FAM13A: variants seen among roughly 807,000 people sequenced by gnomAD.
FAM13A encodes family with sequence similarity 13 member A, also known as protein FAM13A.
Under a neutral mutation model 129.6 loss-of-function variants are expected in FAM13A, and 76 were observed. That is an observed-to-expected ratio of 0.59 (90% confidence interval 0.49 to 0.71). FAM13A has a LOEUF of 0.71. FAM13A is among the 30% of genes least tolerant of loss of function. FAM13A has a pLI of 0.00. For missense variants in FAM13A, 1,108 were observed against 1,249.3 expected (o/e 0.89, Z 1.70); for synonymous variants, 443 against 449.9 (o/e 0.98, Z 0.20).
At chr4:88,761,662 A>G (rs1053445429) in intron 13 of FAM13A, among the ~76,000 whole-genome samples, 1 of 152,122 alleles carries the variant, frequency 6.6e-6, no homozygotes, top group African/African-American at 2.4e-5. Flanking sequence ...AGGAAGGGGG[A>G]ATGGGACATG....
chr4:88,948,624 G>A (rs1756362027), intron 4 of FAM13A, among the ~76,000 whole-genome samples: 1 of 152,086 alleles, frequency 6.6e-6, no homozygotes, highest in Non-Finnish European at 1.5e-5. Context: ...GAGTAGCTGG[G>A]ATTACAGGTA....
rs1736794241 is a variant in FAM13A at position 88,728,268 on chromosome 4, T to TGTGTGCGTGCATGCGC, written c.*249_*264dup. ...TAGGAAAGCTCCACTACTGTGTGTG[T>TGTGTGCGTGCATGCGC]GTGTGCGTGCATGCGCGTGCGCATG... On this transcript the variant is annotated 3_prime_UTR_variant, in exon 24 of 24. Coordinates refer to ENST00000264344, the MANE Select transcript of FAM13A (RefSeq NM_014883.4). 4.0e-6 allele frequency: 2 copies of TGTGTGCGTGCATGCGC among 496,862 alleles called. No homozygotes were observed. Among genetic ancestry groups the TGTGTGCGTGCATGCGC allele is most frequent in the Admixed American group, 3.3e-5 (1 of 30,652 alleles). 30.8% of individuals were successfully genotyped at this position (496,862 alleles called of 1,614,324 possible). A position where few individuals can be genotyped will look rare whatever the true frequency, so the allele number is the denominator to read the frequency against.
intron 23 of FAM13A, among the ~76,000 whole-genome samples, chr4:88,730,411 G>A (rs1298702218): frequency 6.6e-6 from 1 of 152,018 alleles, no homozygotes; most frequent in Non-Finnish European, 1.5e-5. Flanking sequence ...TGTTTTTTTT[G>A]AGACGAAGTC....
chr4:88,797,273 G>GTT (rs34600800), intron 8 of FAM13A, among the ~76,000 whole-genome samples: 6,608 of 143,048 alleles, frequency 0.046, 402 homozygotes, highest in African/African-American at 0.14. Flanking sequence ...AGTTTTGTGG[G>GTT]TTTTTTTTTT....
intron 11 of FAM13A, among the ~76,000 whole-genome samples, 186 bp downstream of exon 11, chr4:88,780,979 T>C (rs1025458842): frequency 6.6e-5 from 10 of 151,946 alleles, no homozygotes; most frequent in African/African-American, 2.4e-4. Context: ...TAGAATATAA[T>C]ATTTCTCGGC....
At chr4:88,731,973 A>G (rs953013157) in intron 22 of FAM13A, 29 bp downstream of exon 22, 15 of 1,562,530 alleles carry the variant, frequency 9.6e-6, no homozygotes, top group Non-Finnish European at 1.3e-5. Flanking sequence ...TTACCAAAAC[A>G]TTTCACCACC....
At chr4:88,991,467 G>T (rs551501762) in intron 3 of FAM13A, among the ~76,000 whole-genome samples, 6 of 152,030 alleles carry the variant, frequency 3.9e-5, no homozygotes, top group Middle Eastern at 3.4e-3. Context: ...ATAATAAAAA[G>T]AATTACTAAC....
chr4:89,027,416 G>T (rs1417841896), intron 2 of FAM13A, among the ~76,000 whole-genome samples: 8 of 151,728 alleles, frequency 5.3e-5, no homozygotes, highest in African/African-American at 1.9e-4. Flanking sequence ...AGGCTGTGGT[G>T]GGAAGATTAT....
chr4:88,815,176 A>T (rs1308656259), intron 7 of FAM13A, among the ~76,000 whole-genome samples: 1 of 152,210 alleles, frequency 6.6e-6, no homozygotes, highest in East Asian at 1.9e-4. Context: ...TGATGAGAAG[A>T]TACCATGTTT....
chr4:88,804,111 G>A (rs983215882), intron 8 of FAM13A, among the ~76,000 whole-genome samples: 1 of 151,482 alleles, frequency 6.6e-6, no homozygotes, highest in African/African-American at 2.4e-5. Flanking sequence ...AAAATTAGCC[G>A]GGCGTGGTGG....
At chr4:88,769,526 A>T (rs1022477364) in intron 11 of FAM13A, among the ~76,000 whole-genome samples, 1 of 152,162 alleles carries the variant, frequency 6.6e-6, no homozygotes, top group Admixed American at 6.5e-5. Context: ...GGATTAAATA[A>T]AATGATATGT....
chr4:89,020,291 T>C (rs1767082393), intron 3 of FAM13A, among the ~76,000 whole-genome samples, 169 bp downstream of exon 3: 1 of 150,478 alleles, frequency 6.6e-6, no homozygotes, highest in South Asian at 2.1e-4. Context: ...TTTTTTTTTT[T>C]TTTTTGTAGA....
chr4:89,054,414 G>A (rs1232922179), intron 1 of FAM13A, among the ~76,000 whole-genome samples: 1 of 152,068 alleles, frequency 6.6e-6, no homozygotes, highest in African/African-American at 2.4e-5. Context: ...ATATGTATAA[G>A]TATGTAAGTC....
At chr4:88,919,144 T>C (rs1750592373) in intron 5 of FAM13A, among the ~76,000 whole-genome samples, 6 of 152,158 alleles carry the variant, frequency 3.9e-5, no homozygotes, top group Admixed American at 3.9e-4. Context: ...ATAAGTACCA[T>C]AAAAAAACAA....
chr4:88,856,321 T>C (rs1208345443), intron 6 of FAM13A, among the ~76,000 whole-genome samples: 6 of 150,828 alleles, frequency 4.0e-5, no homozygotes, highest in African/African-American at 7.3e-5. Flanking sequence ...CTCTACAAAA[T>C]AATTAAAAAA....
rs904575351 is a variant in FAM13A, at chr4:88,938,883, A to G, written c.606-642T>C. Among the ~76,000 whole-genome samples, 18 of 152,374 alleles carry G rather than the reference A, an allele frequency of 1.2e-4. No individual in the cohort carries two copies. The East Asian group carries it at 3.5e-3, about 29-fold the overall frequency. On this transcript the variant is annotated intron_variant, in intron 4 of 23. Coordinates refer to ENST00000264344, the MANE Select transcript of FAM13A (RefSeq NM_014883.4). Reference sequence around the variant, plus strand: ...ACATGTATAACTGACAAAGATTAGTAGTTACACTATGTAAAGAACTCCTAC... The same window carrying G: ...ACATGTATAACTGACAAAGATTAGTGGTTACACTATGTAAAGAACTCCTAC...
intron 8 of FAM13A, among the ~76,000 whole-genome samples, chr4:88,799,051 G>C (rs1331218660): frequency 6.6e-6 from 1 of 152,060 alleles, no homozygotes; most frequent in Non-Finnish European, 1.5e-5. Flanking sequence ...AACATTGTTA[G>C]AATTAAACCC....
At chr4:88,778,174 T>A (rs1191156155) in intron 11 of FAM13A, among the ~76,000 whole-genome samples, 1 of 152,192 alleles carries the variant, frequency 6.6e-6, no homozygotes, top group Non-Finnish European at 1.5e-5. Flanking sequence ...CCCGAAACTC[T>A]AGGCCCAGAA....
At chr4:88,890,156 G>C (rs745381282) in intron 6 of FAM13A, among the ~76,000 whole-genome samples, 1 of 152,174 alleles carries the variant, frequency 6.6e-6, no homozygotes, top group Non-Finnish European at 1.5e-5. Context: ...AGCTCAGCCT[G>C]GCTCCTTGAG....
Sources: gnomAD v4.1 joint callset for allele counts (sites outside exome capture counted in the v4.1 genomes callset) on GRCh38, gnomAD v4.1.1 for gene constraint, MANE v1.5 for transcripts, NCBI Gene and HGNC (gene_info 2026-07-23, HGNC 2026-07-21) for gene names.